Variants in ANP32A observed in about 807,000 individuals in gnomAD.
The protein encoded by ANP32A is acidic nuclear phosphoprotein 32 family member A.
In ANP32A, 1 loss-of-function variant was observed where a neutral mutation model predicts 33.9. The observed-to-expected ratio is 0.03, with a 90% CI of 0.01 to 0.14. ANP32A has a LOEUF of 0.14. ANP32A is among the 10% of genes least tolerant of loss of function. The pLI is 1.00. For missense variants in ANP32A, 155 were observed against 306.0 expected (o/e 0.51, Z 3.68); for synonymous variants, 115 against 120.5 (o/e 0.95, Z 0.30).
chr15:68,820,818 C>G lies in ANP32A; in HGVS notation c.-67G>C. 3.1e-6 allele frequency: 5 copies of G among 1,597,422 alleles called. No homozygotes were observed. The highest frequency in any genetic ancestry group is 4.3e-6 in the Non-Finnish European group (5 of 1,166,248). ...ATTCAATCAATAAACCCCGAACCCA[C>G]GGCCGCGCGTTTTAGGACTTTGAAG... On this transcript the variant is annotated 5_prime_UTR_variant, in exon 1 of 7. Transcript: ENST00000465139.
chr15:68,806,759 C>G (rs1054237659), intron 1 of ANP32A, among the ~76,000 whole-genome samples: 1 of 152,226 alleles, frequency 6.6e-6, no homozygotes, highest in African/African-American at 2.4e-5. Flanking sequence ...CAGGGTACAC[C>G]CAAATCTTCA....
intron 1 of ANP32A, among the ~76,000 whole-genome samples, chr15:68,800,482 C>T (rs1279490353): frequency 1.3e-5 from 2 of 151,172 alleles, no homozygotes; most frequent in Non-Finnish European, 2.9e-5. Flanking sequence ...CGGTGGCTCA[C>T]GCCTGTAATC....
chr15:68,785,445 A>T (rs996518649), intron 3 of ANP32A, among the ~76,000 whole-genome samples: 2 of 152,158 alleles, frequency 1.3e-5, no homozygotes, highest in Non-Finnish European at 2.9e-5. Context: ...AAAAAATCCC[A>T]TCCCAGGCTG....
At position 68,780,555 on chromosome 15, in the gene ANP32A, G is replaced by A. The variant is rs1304343760; in HGVS notation, c.625-82C>T. The A allele has an allele frequency of 6.3e-7, 1 of 1,581,430 alleles. No homozygotes were observed. Among genetic ancestry groups the A allele is most frequent in the African/African-American group, 1.4e-5 (1 of 73,756 alleles). On this transcript the variant is annotated intron_variant, in intron 5 of 6. Coordinates refer to ENST00000465139, the MANE Select transcript of ANP32A (RefSeq NM_006305.4). This position sits in a 1 kb window ranked among gnomAD's most constrained non-coding sequence, Gnocchi z 4.3. ...AGGAAGCCACACAGAGCACAAAAAG[G>A]CCGGGGTCACCCCCAGCCTCTCAGA...
chr15:68,794,356 C>G (rs985417918), intron 1 of ANP32A, among the ~76,000 whole-genome samples: 14 of 152,186 alleles, frequency 9.2e-5, no homozygotes, highest in African/African-American at 3.4e-4. Context: ...ATTTTTACAT[C>G]CACACCTTGT....
chr15:68,807,989 G>T (rs1186481206), intron 1 of ANP32A, among the ~76,000 whole-genome samples: 1 of 152,238 alleles, frequency 6.6e-6, no homozygotes, highest in East Asian at 1.9e-4. Context: ...AGTGTGATGA[G>T]CAGAACGTGG....
At chr15:68,815,077 T>A (rs1363525180) in intron 1 of ANP32A, among the ~76,000 whole-genome samples, 1 of 152,224 alleles carries the variant, frequency 6.6e-6, no homozygotes. Flanking sequence ...TCTCTTCCTA[T>A]GGAGGTTCCT....
chr15:68,806,760 CA>C (rs1295340448), intron 1 of ANP32A, among the ~76,000 whole-genome samples: 1 of 152,248 alleles, frequency 6.6e-6, no homozygotes, highest in Non-Finnish European at 1.5e-5. Flanking sequence ...AGGGTACACC[CA>C]AATCTTCATG....
At chr15:68,796,238 C>T (rs181249780) in intron 1 of ANP32A, among the ~76,000 whole-genome samples, 3 of 152,316 alleles carry the variant, frequency 2.0e-5, no homozygotes, top group East Asian at 3.9e-4. Context: ...CCCACCACCA[C>T]GTCTGGCTGA....
chr15:68,792,788 G>C (rs1019377295), intron 1 of ANP32A, among the ~76,000 whole-genome samples: 2 of 152,112 alleles, frequency 1.3e-5, no homozygotes, highest in Non-Finnish European at 2.9e-5. Flanking sequence ...GACCCAACTG[G>C]CTCCATGATC....
At chr15:68,785,022 GATA>G (rs1251261204) in intron 3 of ANP32A, among the ~76,000 whole-genome samples, 5 of 152,300 alleles carry the variant, frequency 3.3e-5, no homozygotes, top group East Asian at 1.9e-4. Context: ...TTCTGCATCT[GATA>G]ATGATGATGA....
At chr15:68,808,093 C>T (rs975377494) in intron 1 of ANP32A, among the ~76,000 whole-genome samples, 2 of 152,232 alleles carry the variant, frequency 1.3e-5, no homozygotes, top group Admixed American at 6.5e-5. Flanking sequence ...ATCCTTCTTT[C>T]CTATTTCCTG....
chr15:68,804,800 G>A (rs1208105347), intron 1 of ANP32A, among the ~76,000 whole-genome samples: 1 of 152,226 alleles, frequency 6.6e-6, no homozygotes, highest in African/African-American at 2.4e-5. Context: ...GGCGTGAGCC[G>A]CTGCACGCGG....
chr15:68,784,663 A>T, intron 3 of ANP32A, 68 bp from the exon 4 acceptor site: 1 of 1,560,280 alleles, frequency 6.4e-7, no homozygotes. Context: ...CAGCCCTAGC[A>T]AACAGGCAAG....
intron 1 of ANP32A, among the ~76,000 whole-genome samples, chr15:68,806,237 C>G (rs1417606012): frequency 2.0e-5 from 3 of 152,194 alleles, no homozygotes; most frequent in African/African-American, 7.2e-5. Flanking sequence ...AGTCTGGTTT[C>G]TGGTACAGTG....
At chr15:68,797,561 AGAGTAC>A (rs1318990268) in intron 1 of ANP32A, among the ~76,000 whole-genome samples, 1 of 152,174 alleles carries the variant, frequency 6.6e-6, no homozygotes, top group Non-Finnish European at 1.5e-5. Flanking sequence ...GTGCAAATCC[AGAGTAC>A]GATTCCCAGA....
chr15:68,780,500 A>G lies in ANP32A; in HGVS notation c.625-27T>C, dbSNP rs1197799197. On this transcript the variant is annotated intron_variant, in intron 5 of 6. Coordinates refer to ENST00000465139, the MANE Select transcript of ANP32A (RefSeq NM_006305.4). The surrounding 1 kb of genome is among the most constrained non-coding windows in gnomAD (Gnocchi z 4.3). ...TAGGAGAAAGGACAGACACCAGAAC[A>G]TTAGAAATGCCCTGCCTTGGGACAT... is the stretch of plus-strand genomic sequence containing the variant. 3.1e-6 allele frequency: 5 copies of G among 1,613,504 alleles called. No homozygotes were observed. The African/African-American group carries it at 4.0e-5, about 13-fold the overall frequency.
At chr15:68,815,335 T>A (rs1894365986) in intron 1 of ANP32A, among the ~76,000 whole-genome samples, 1 of 152,194 alleles carries the variant, frequency 6.6e-6, no homozygotes, top group East Asian at 1.9e-4. Context: ...CATAGGGACT[T>A]TTATAACAAG....
intron 5 of ANP32A, among the ~76,000 whole-genome samples, chr15:68,782,181 A>G (rs1415421027): frequency 6.6e-6 from 1 of 152,238 alleles, no homozygotes; most frequent in Non-Finnish European, 1.5e-5. Flanking sequence ...AGAGAGACTC[A>G]GAACACACAA....
Sources: allele counts gnomAD v4.1 joint callset (sites outside exome capture counted in the v4.1 genomes callset), GRCh38; gene constraint gnomAD v4.1.1; non-coding constraint Gnocchi (gnomAD v3.1); transcripts MANE v1.5; gene names NCBI Gene and HGNC (gene_info 2026-07-23, HGNC 2026-07-21).